TARBP1: variants seen among roughly 807,000 people sequenced by gnomAD.
The protein encoded by TARBP1 is tRNA guanosine 2 -O-methyltransferase TARBP1.
Under a neutral mutation model 178.6 loss-of-function variants are expected in TARBP1, and 144 were observed. The observed-to-expected ratio is 0.81, with a 90% CI of 0.70 to 0.93. The LOEUF (loss-of-function observed/expected upper bound fraction) is 0.93. Among genes scored for constraint, TARBP1 ranks in the 40% least tolerant of loss-of-function variants. The pLI, the probability that TARBP1 is intolerant of heterozygous loss-of-function variation, is 0.00. For synonymous variants in TARBP1, 787 were observed against 781.0 expected (o/e 1.01, Z -0.13); for missense variants, 2,067 against 2,011.7 (o/e 1.03, Z -0.53).
At chr1:234,460,836 A>G (rs1392985092) in intron 6 of TARBP1, among the ~76,000 whole-genome samples, 1 of 152,248 alleles carries the variant, frequency 6.6e-6, no homozygotes, top group African/African-American at 2.4e-5. Flanking sequence ...ATATCTATAC[A>G]GTGAAATACT....
chr1:234,471,574 G>GA (rs1283677059), intron 2 of TARBP1, among the ~76,000 whole-genome samples: 3 of 152,172 alleles, frequency 2.0e-5, no homozygotes, highest in Admixed American at 1.3e-4. Flanking sequence ...ATTACAAAGA[G>GA]AAAAAAGACA....
chr1:234,468,811 G>C (rs184937628), intron 3 of TARBP1, among the ~76,000 whole-genome samples: 2 of 151,938 alleles, frequency 1.3e-5, no homozygotes, highest in East Asian at 4.0e-4. Context: ...CTCAGGGCTT[G>C]TGTCCCAGGT....
chr1:234,445,522 G>T (rs1666064105), intron 12 of TARBP1, among the ~76,000 whole-genome samples: 1 of 152,128 alleles, frequency 6.6e-6, no homozygotes, highest in Non-Finnish European at 1.5e-5. Flanking sequence ...CTTGATGGTG[G>T]TGATGGTTTC....
chr1:234,472,963 G>T (rs1669214662), intron 1 of TARBP1, 152 bp from the exon 2 acceptor site: 1 of 638,944 alleles, frequency 1.6e-6, no homozygotes, highest in Non-Finnish European at 2.7e-6. Context: ...AGGGGGCTTG[G>T]GAATCTCAGA....
intron 5 of TARBP1, 98 bp downstream of exon 5, chr1:234,465,558 G>T: frequency 9.0e-7 from 1 of 1,109,502 alleles, no homozygotes; most frequent in Non-Finnish European, 1.2e-6. Flanking sequence ...TGTCTATTCA[G>T]CAACATACTG....
At position 234,478,204 on chromosome 1, in the gene TARBP1, G is replaced by A; in HGVS notation, c.900C>T (p.Ala300=). The A allele has an allele frequency of 6.2e-7, 1 of 1,611,812 alleles. No homozygotes were observed. Among genetic ancestry groups the A allele is most frequent in the African/African-American group, 1.3e-5 (1 of 74,998 alleles). Reference sequence around the variant, plus strand: ...CTTCCTGGGGCCCGCAGGTGCAGTCGGCCCCCAGCTCCGCCGACACCTCCA... The same window carrying A: ...CTTCCTGGGGCCCGCAGGTGCAGTCAGCCCCCAGCTCCGCCGACACCTCCA... ...RAVEVSAELG[A]DCTCGPQEGN... Residue 300 remains alanine (A), a synonymous_variant, in exon 1 of 30, where the codon GCC becomes GCT. Coordinates refer to ENST00000040877, the MANE Select transcript of TARBP1 (RefSeq NM_005646.4).
chr1:234,454,107 A>G (rs1456692448), intron 9 of TARBP1, among the ~76,000 whole-genome samples: 3 of 152,228 alleles, frequency 2.0e-5, no homozygotes, highest in African/African-American at 7.2e-5. Flanking sequence ...GTAATATTAG[A>G]TATTTACATT....
chr1:234,456,556 T>C (rs911250972), intron 9 of TARBP1, among the ~76,000 whole-genome samples: 22 of 152,228 alleles, frequency 1.4e-4, no homozygotes, highest in Non-Finnish European at 2.9e-5. Flanking sequence ...TTTTAAATGA[T>C]ACAATCAACT....
intron 3 of TARBP1, among the ~76,000 whole-genome samples, chr1:234,468,400 G>A (rs998577004): frequency 3.4e-4 from 52 of 152,186 alleles, no homozygotes; most frequent in African/African-American, 1.1e-3. Flanking sequence ...CTTGGGAGGC[G>A]GAGGTTAGAG....
intron 12 of TARBP1, among the ~76,000 whole-genome samples, chr1:234,442,875 C>T (rs1572336714): frequency 6.6e-6 from 1 of 152,256 alleles, no homozygotes. Context: ...TCTTAATTAC[C>T]GCAATACAGA....
intron 24 of TARBP1, among the ~76,000 whole-genome samples, chr1:234,402,020 C>T (rs928369112): frequency 2.0e-5 from 3 of 152,218 alleles, no homozygotes; most frequent in Admixed American, 1.3e-4. Context: ...GCCCTATCTC[C>T]CCCAACTTCC....
chr1:234,470,953 T>G (rs1000038477), intron 3 of TARBP1, among the ~76,000 whole-genome samples: 1 of 151,952 alleles, frequency 6.6e-6, no homozygotes, highest in Admixed American at 6.6e-5. Context: ...AGGATATGAG[T>G]AGATGCATAT....
intron 14 of TARBP1, 109 bp from the exon 15 acceptor site, chr1:234,430,410 G>A: frequency 1.1e-6 from 1 of 880,900 alleles, no homozygotes; most frequent in Non-Finnish European, 1.7e-6. Flanking sequence ...CCCTCTTCCT[G>A]CCTGCTCCTG....
intron 12 of TARBP1, among the ~76,000 whole-genome samples, chr1:234,438,800 A>G (rs1232374097): frequency 6.6e-6 from 1 of 152,240 alleles, no homozygotes; most frequent in Non-Finnish European, 1.5e-5. Flanking sequence ...TTTCAGGGAA[A>G]TCTAAAAGGA....
rs747677767 is a variant in TARBP1 at position 234,391,533 on chromosome 1, T to TA, written c.*43dup. The TA allele has an allele frequency of 6.5e-7, 1 of 1,526,942 alleles. No homozygotes were observed. Among genetic ancestry groups the TA allele is most frequent in the East Asian group, 2.3e-5 (1 of 43,506 alleles). The allele number at this position is 1,526,942 out of a possible 1,614,324, so 94.6% of individuals were successfully genotyped here. A position where few individuals can be genotyped will look rare whatever the true frequency, so the allele number is the denominator to read the frequency against. On this transcript the variant is annotated 3_prime_UTR_variant, in exon 30 of 30. Transcript: ENST00000040877. ...TTTCTTTAGTCCAAATAGTTTTTTT[T>TA]AAAAAAGTCTGAACAGCAGCAGCAG... is the stretch of plus-strand genomic sequence containing the variant.
chr1:234,435,526 T>C (rs982112763), intron 13 of TARBP1, among the ~76,000 whole-genome samples: 7 of 152,082 alleles, frequency 4.6e-5, no homozygotes, highest in Non-Finnish European at 8.8e-5. Flanking sequence ...CCTGTTAAAA[T>C]GCTCATGAAA....
rs73103951 is a variant in TARBP1 at position 234,476,352 on chromosome 1, G to A, written c.931+1821C>T. On this transcript the variant is annotated intron_variant, in intron 1 of 29. Transcript: ENST00000040877. ...TGACACAAGTGAGTAAAGCAAAAAA[G>A]AGGAAGATATGAACTACAGGAAATG... Among the ~76,000 whole-genome samples the A allele has an allele frequency of 6.4e-3, 968 of 152,314 alleles. 11 individuals are homozygous for A. The highest frequency in any genetic ancestry group is 0.022 in the African/African-American group (911 of 41,570).
At chr1:234,467,184 C>T (rs951162397) in intron 4 of TARBP1, among the ~76,000 whole-genome samples, 12 of 152,182 alleles carry the variant, frequency 7.9e-5, no homozygotes, top group African/African-American at 2.9e-4. Context: ...ACGGTGACAA[C>T]AGCATCACCT....
At chr1:234,408,967 T>G (rs933165392) in intron 23 of TARBP1, among the ~76,000 whole-genome samples, 1 of 152,210 alleles carries the variant, frequency 6.6e-6, no homozygotes, top group Non-Finnish European at 1.5e-5. Context: ...TTTGAATCTC[T>G]AATTGCTCAG....
Sources: allele counts gnomAD v4.1 joint callset (sites outside exome capture counted in the v4.1 genomes callset), GRCh38; gene constraint gnomAD v4.1.1; transcripts MANE v1.5; gene names NCBI Gene and HGNC (gene_info 2026-07-23, HGNC 2026-07-21).